The following CTNNA2 variants were observed in gnomAD, a reference collection of about 807,000 sequenced individuals.
CTNNA2 encodes the protein catenin alpha-2.
In CTNNA2, 42 loss-of-function variants were observed where a neutral mutation model predicts 101.0. The observed-to-expected ratio is 0.42, with a 90% CI of 0.32 to 0.54. CTNNA2 has a LOEUF of 0.54. CTNNA2 is among the 20% of genes least tolerant of loss of function. The pLI is 0.14. For synonymous variants in CTNNA2, 450 were observed against 456.4 expected, an observed-to-expected ratio of 0.99 and a Z score of 0.18; for missense variants, 871 against 1,223.1, an observed-to-expected ratio of 0.71 and a Z score of 4.29.
intron 9 of CTNNA2, among the ~76,000 whole-genome samples, chr2:80,530,916 TGA>T (rs1690481806): frequency 6.6e-6 from 1 of 152,018 alleles, no homozygotes; most frequent in South Asian, 2.1e-4. Flanking sequence ...TAAAACTTCA[TGA>T]GAGAACATGG....
At chr2:79,933,194 G>A (rs1479427521) in intron 7 of CTNNA2, among the ~76,000 whole-genome samples, 2 of 152,056 alleles carry the variant, frequency 1.3e-5, no homozygotes, top group South Asian at 2.1e-4. Flanking sequence ...TGTAAATTGG[G>A]TAGACATTTT....
chr2:79,911,153 T>C (rs945234659), intron 7 of CTNNA2, among the ~76,000 whole-genome samples: 1 of 152,218 alleles, frequency 6.6e-6, no homozygotes, highest in Non-Finnish European at 1.5e-5. Flanking sequence ...GCTAGAAATG[T>C]TGACCCCACA....
intron 2 of CTNNA2, among the ~76,000 whole-genome samples, chr2:79,310,015 G>GT (rs1676329727): frequency 6.6e-6 from 1 of 151,940 alleles, no homozygotes; most frequent in African/African-American, 2.4e-5. Context: ...TTTCTAATCA[G>GT]TAATTGCCAG....
At chr2:80,331,048 G>A (rs57506861) in intron 7 of CTNNA2, among the ~76,000 whole-genome samples, 1 of 145,738 alleles carries the variant, frequency 6.9e-6, no homozygotes, top group East Asian at 2.0e-4. Flanking sequence ...TTCCTTCCCC[G>A]GCTGCATCCA....
chr2:80,582,538 C>G (rs1468399806), intron 14 of CTNNA2, among the ~76,000 whole-genome samples: 1 of 152,086 alleles, frequency 6.6e-6, no homozygotes, highest in Admixed American at 6.6e-5. Flanking sequence ...TAAAGAGCAT[C>G]CTAAATTTGG....
At chr2:79,431,394 C>T (rs1678657816) in intron 4 of CTNNA2, among the ~76,000 whole-genome samples, 1 of 152,166 alleles carries the variant, frequency 6.6e-6, no homozygotes, top group African/African-American at 2.4e-5. Context: ...TGCTGTAGAT[C>T]TAATGCAGAT....
chr2:80,149,069 C>G (rs1703536854), intron 7 of CTNNA2, among the ~76,000 whole-genome samples: 1 of 146,170 alleles, frequency 6.8e-6, no homozygotes, highest in African/African-American at 2.5e-5. Context: ...TCTCTATCAT[C>G]CAGGCTGGAG....
intron 7 of CTNNA2, among the ~76,000 whole-genome samples, chr2:80,254,440 C>G (rs1671988091): frequency 6.6e-6 from 1 of 152,130 alleles, no homozygotes; most frequent in South Asian, 2.1e-4. Context: ...TAAGAAACCA[C>G]TGTAAAAGTG....
intron 1 of CTNNA2, among the ~76,000 whole-genome samples, chr2:79,535,394 C>T (rs947888370): frequency 2.0e-5 from 3 of 151,888 alleles, no homozygotes; most frequent in Non-Finnish European, 2.9e-5. Context: ...TTAGTAGAGA[C>T]AGGGTTTCAC....
intron 7 of CTNNA2, among the ~76,000 whole-genome samples, chr2:80,043,121 CCT>C (rs2104287276): frequency 1.7e-3 from 28 of 16,942 alleles, no homozygotes; most frequent in African/African-American, 3.0e-3. Context: ...CTTTCTTTCT[CCT>C]TCCTTCCTTC....
intron 9 of CTNNA2, among the ~76,000 whole-genome samples, chr2:80,526,880 C>T (rs936072682): frequency 3.9e-5 from 6 of 152,194 alleles, no homozygotes; most frequent in African/African-American, 1.4e-4. Context: ...ATGCAAACTT[C>T]TCTAAGAATC....
At chr2:79,882,080 G>T (rs1423950265) in intron 6 of CTNNA2, among the ~76,000 whole-genome samples, 7 of 151,926 alleles carry the variant, frequency 4.6e-5, no homozygotes, top group Non-Finnish European at 8.8e-5. Flanking sequence ...AGTTTGGCTG[G>T]ATATTAAATT....
At chr2:80,370,898 C>A (rs1207696966) in intron 7 of CTNNA2, among the ~76,000 whole-genome samples, 1 of 151,844 alleles carries the variant, frequency 6.6e-6, no homozygotes, top group Non-Finnish European at 1.5e-5. Flanking sequence ...AAATGAAGAC[C>A]CAATGAAATA....
intron 11 of CTNNA2, among the ~76,000 whole-genome samples, chr2:80,550,164 CA>C (rs1692439420): frequency 2.0e-5 from 3 of 152,140 alleles, no homozygotes; most frequent in African/African-American, 7.2e-5. Flanking sequence ...ATTCCCAGTG[CA>C]TATAAGTTAT....
intron 4 of CTNNA2, among the ~76,000 whole-genome samples, chr2:79,405,921 C>T (rs905458074): frequency 1.3e-5 from 2 of 151,942 alleles, no homozygotes; most frequent in African/African-American, 4.8e-5. Flanking sequence ...CTGTCTTTGG[C>T]AGCCAGGAGG....
rs921464561 is a variant in CTNNA2, at chr2:79,561,900, C to T, written c.-6+48693C>T. On this transcript the variant is annotated intron_variant, in intron 1 of 18. Transcript: ENST00000402739. ...TGATTTGAAAAAATTTTCTTCCATT[C>T]TGTGAAATGTCTTTTCAGTTTTTTG... 2.0e-5 allele frequency among the ~76,000 whole-genome samples: 3 copies of T among 151,484 alleles called. No individual in the cohort carries two copies. In the South Asian group the frequency reaches 6.2e-4, roughly 31 times the overall value.
intron 7 of CTNNA2, among the ~76,000 whole-genome samples, chr2:80,368,199 T>C (rs1366116759): frequency 1.3e-5 from 2 of 152,118 alleles, no homozygotes; most frequent in Non-Finnish European, 2.9e-5. Flanking sequence ...TATGTAATCT[T>C]TACCATTTTT....
chr2:80,264,148 T>TA (rs536485437), intron 7 of CTNNA2, among the ~76,000 whole-genome samples: 191 of 152,314 alleles, frequency 1.3e-3, no homozygotes, highest in African/African-American at 4.1e-3. Flanking sequence ...ATTGCTTGCT[T>TA]AATACCAAGG....
In CTNNA2 at chr2:79,842,425, C is replaced by A. The variant is rs185803527; in HGVS notation, c.299-15588C>A. ...ATAAGGCTTAGAACAGTATCTGGAA[C>A]AAGGGAAGCACCATGTTAGGGTAAG... On this transcript the variant is annotated intron_variant, in intron 3 of 18. Coordinates refer to ENST00000402739, the MANE Select transcript of CTNNA2 (RefSeq NM_001282597.3). 2.6e-3 allele frequency among the ~76,000 whole-genome samples: 401 copies of A among 152,264 alleles called. 4 individuals are homozygous for A. Among genetic ancestry groups the A allele is most frequent in the African/African-American group, 9.1e-3 (378 of 41,562 alleles).
Sources: gnomAD v4.1 joint callset for allele counts (sites outside exome capture counted in the v4.1 genomes callset) on GRCh38, gnomAD v4.1.1 for gene constraint, MANE v1.5 for transcripts, NCBI Gene and HGNC (gene_info 2026-07-23, HGNC 2026-07-21) for gene names.